The following NDUFB2 variants were observed in gnomAD, a reference collection of about 807,000 sequenced individuals.
NDUFB2 encodes the protein NADH:ubiquinone oxidoreductase subunit B2.
A neutral mutation model predicts 13.4 loss-of-function variants in NDUFB2; 13 were observed. The observed-to-expected ratio is 0.97, with a 90% CI of 0.63 to 1.54. NDUFB2 has a LOEUF of 1.54. Among genes scored for constraint, NDUFB2 ranks in the 40% most tolerant of loss-of-function variants. The pLI, the probability that NDUFB2 is intolerant of heterozygous loss-of-function variation, is 0.00. For synonymous variants in NDUFB2, 47 were observed against 50.6 expected, an observed-to-expected ratio of 0.93 and a Z score of 0.30; for missense variants, 150 against 139.7, an observed-to-expected ratio of 1.07 and a Z score of -0.37.
intron 1 of NDUFB2, chr7:140,698,302 G>A: frequency 1.5e-6 from 2 of 1,350,608 alleles, no homozygotes; most frequent in Non-Finnish European, 2.0e-6. Context: ...ACTTGTTTCA[G>A]AGTGTGTGAT....
intron 2 of NDUFB2, among the ~76,000 whole-genome samples, chr7:140,703,312 G>A (rs541420088): frequency 7.3e-4 from 93 of 126,872 alleles, no homozygotes; most frequent in African/African-American, 2.7e-3. Context: ...GTTTCACTCT[G>A]TCACCAGGCA....
chr7:140,703,851 G>T (rs1033524604), intron 2 of NDUFB2, among the ~76,000 whole-genome samples: 4 of 152,132 alleles, frequency 2.6e-5, no homozygotes, highest in African/African-American at 9.7e-5. Context: ...CGCCTCCTGG[G>T]TTCACGCCAT....
intron 2 of NDUFB2, among the ~76,000 whole-genome samples, chr7:140,703,298 C>CA (rs1794922099): frequency 7.7e-6 from 1 of 130,716 alleles, no homozygotes; most frequent in Non-Finnish European, 1.6e-5. Flanking sequence ...TTTTTTGAGA[C>CA]ACAGTTTCAC....
intron 1 of NDUFB2, chr7:140,697,235 A>C: frequency 1.5e-6 from 1 of 684,226 alleles, no homozygotes. Flanking sequence ...AGGCCTAGGG[A>C]GGGCGCGGTC....
intron 3 of NDUFB2, 75 bp downstream of exon 3, chr7:140,705,038 A>G (rs1794946803): frequency 1.3e-6 from 1 of 757,196 alleles, no homozygotes; most frequent in African/African-American, 1.8e-5. Flanking sequence ...TGTGCCTATG[A>G]TGGACTTGAA....
intron 3 of NDUFB2, chr7:140,706,036 A>T (rs928627742): frequency 1.5e-5 from 2 of 134,190 alleles, no homozygotes; most frequent in Non-Finnish European, 3.1e-5. Context: ...TTAGTTTGTT[A>T]TGTTATGTTA....
chr7:140,702,538 C>G, intron 1 of NDUFB2: 1 of 278,058 alleles, frequency 3.6e-6, no homozygotes, highest in East Asian at 7.1e-5. Context: ...AAGTTAGTGA[C>G]CTGCTAACAA....
At chr7:140,701,822 G>C (rs1794902612) in intron 1 of NDUFB2, 2 of 420,196 alleles carry the variant, frequency 4.8e-6, no homozygotes, top group Non-Finnish European at 8.5e-6. Flanking sequence ...TGTAGTCCCA[G>C]CTACTTGGGA....
In NDUFB2 at chr7:140,696,897, T is replaced by A. The variant is rs541644677; in HGVS notation, c.98+55T>A. The A allele has an allele frequency of 2.0e-4, 293 of 1,499,294 alleles. 2 individuals carry two copies. The highest frequency in any genetic ancestry group is 4.9e-4 in the South Asian group (41 of 83,826). The allele number at this position is 1,499,294 out of a possible 1,614,324, so 92.9% of individuals were successfully genotyped here. On this transcript the variant is annotated intron_variant, in intron 1 of 3. Coordinates refer to ENST00000247866, the MANE Select transcript of NDUFB2 (RefSeq NM_004546.3). ...GCCGGCCTGTAGCGGACAGCGCGGGTCCCTGGGACGCTCTCACCTTGACTG... is the reference window on the plus strand; with the variant it reads ...GCCGGCCTGTAGCGGACAGCGCGGGACCCTGGGACGCTCTCACCTTGACTG...
intron 1 of NDUFB2, among the ~76,000 whole-genome samples, chr7:140,698,628 G>A (rs572887637): frequency 6.6e-6 from 1 of 152,160 alleles, no homozygotes; most frequent in South Asian, 2.1e-4. Context: ...GGAAGAGCCC[G>A]GTGGACATAA....
At chr7:140,700,783 G>A (rs1361082396) in intron 1 of NDUFB2, 2 of 142,862 alleles carry the variant, frequency 1.4e-5, no homozygotes, top group African/African-American at 2.7e-5. Context: ...GTGCGACTCC[G>A]TCTCAAAAAA....
At chr7:140,697,151 C>A (rs956363561) in intron 1 of NDUFB2, 5 of 588,188 alleles carry the variant, frequency 8.5e-6, no homozygotes, top group Non-Finnish European at 1.2e-5. Flanking sequence ...CCGGCGCGGG[C>A]GGTCCAGGCG....
intron 1 of NDUFB2, chr7:140,697,093 C>T (rs1214796079): frequency 3.4e-6 from 2 of 586,186 alleles, no homozygotes; most frequent in Middle Eastern, 4.4e-4. Flanking sequence ...GGCCGCCTGC[C>T]CTCGGGAGAC....
At chr7:140,697,152 G>C (rs997842499) in intron 1 of NDUFB2, 4 of 590,786 alleles carry the variant, frequency 6.8e-6, no homozygotes, top group Non-Finnish European at 1.2e-5. Flanking sequence ...CGGCGCGGGC[G>C]GTCCAGGCGG....
chr7:140,704,136 CT>C (rs368518980), intron 2 of NDUFB2, among the ~76,000 whole-genome samples: 16 of 152,306 alleles, frequency 1.1e-4, no homozygotes, highest in African/African-American at 3.6e-4. Context: ...GAAATTACGT[CT>C]TTAAGACATT....
intron 3 of NDUFB2, 80 bp downstream of exon 3, chr7:140,705,043 C>A: frequency 3.1e-6 from 2 of 644,408 alleles, no homozygotes; most frequent in South Asian, 3.3e-5. Flanking sequence ...CTATGATGGA[C>A]TTGAAAAAAC....
rs567430913 is a variant in NDUFB2, at chr7:140,704,712, C to T, written c.244-148C>T. On this transcript the variant is annotated intron_variant, in intron 2 of 3. Coordinates refer to ENST00000247866, the MANE Select transcript of NDUFB2 (RefSeq NM_004546.3). ...ACAAACTAAAGAACAGGTGGGCCAT[C>T]GAATAATTAAAGTAGAATTTGTTCC... 44 of 540,956 alleles carry T rather than the reference C, an allele frequency of 8.1e-5. No homozygotes were observed. The South Asian group carries it at 1.2e-3, about 15-fold the overall frequency. 33.5% of individuals were successfully genotyped at this position (540,956 alleles called of 1,614,324 possible).
At position 140,702,988 on chromosome 7, in the gene NDUFB2, G is replaced by A. The variant is rs1794917330; in HGVS notation, c.221G>A (p.Trp74Ter). 6.2e-7 allele frequency: 1 copy of A among 1,613,940 alleles called. No homozygotes were observed. Among genetic ancestry groups the A allele is most frequent in the Admixed American group, 1.7e-5 (1 of 59,990 alleles). ...LMWFWILWRF[W>*]HDSEEVLGHF... Reference sequence around the variant, plus strand: ...TGGTTCTGGATTCTCTGGCGCTTTTGGCATGACTCAGAAGAGGTGCTGGTA... The same window carrying A: ...TGGTTCTGGATTCTCTGGCGCTTTTAGCATGACTCAGAAGAGGTGCTGGTA... The change falls in exon 2 of 4, where the codon TGG becomes TAG. Residue 74 changes from tryptophan (W) to a stop codon, truncating the protein, a stop_gained. Transcript: ENST00000247866. LOFTEE classifies it high-confidence loss of function.
intron 1 of NDUFB2, chr7:140,701,909 C>G (rs907808861): frequency 1.8e-6 from 1 of 563,688 alleles, no homozygotes; most frequent in African/African-American, 1.9e-5. Flanking sequence ...GCACTCCAGC[C>G]TGGGTGACAG....
Sources: gnomAD v4.1 joint callset for allele counts (sites outside exome capture counted in the v4.1 genomes callset) on GRCh38, gnomAD v4.1.1 for gene constraint, MANE v1.5 for transcripts, NCBI Gene and HGNC (gene_info 2026-07-23, HGNC 2026-07-21) for gene names.